Variants in MYO18B observed in about 807,000 individuals in gnomAD.
The protein encoded by MYO18B is unconventional myosin-XVIIIb.
In MYO18B, 204 loss-of-function variants were observed where a neutral mutation model predicts 273.0. The ratio of observed to expected loss-of-function variants is 0.75; its 90% CI spans 0.67 to 0.84. The LOEUF (loss-of-function observed/expected upper bound fraction) is 0.84. Among genes scored for constraint, MYO18B ranks in the 40% least tolerant of loss-of-function variants. The pLI, the probability that MYO18B is intolerant of heterozygous loss-of-function variation, is 0.00. For synonymous variants in MYO18B, 1,330 were observed against 1,305.7 expected (o/e 1.02, Z -0.40); for missense variants, 3,212 against 3,287.6 (o/e 0.98, Z 0.56).
intron 2 of MYO18B, chr22:25,762,948 C>A: frequency 3.4e-6 from 2 of 593,978 alleles, no homozygotes; most frequent in Non-Finnish European, 6.6e-6. Flanking sequence ...GCAGCCTTGA[C>A]CATACAAGTG....
downstream of MYO18B, among the ~76,000 whole-genome samples, chr22:26,031,683 A>G (rs1936670776): frequency 1.3e-5 from 2 of 152,212 alleles, no homozygotes; most frequent in African/African-American, 4.8e-5. Context: ...CTCCAAAAAG[A>G]GGAGCTCTCA....
chr22:25,968,815 T>C (rs146476739), intron 39 of MYO18B, among the ~76,000 whole-genome samples: 1 of 152,280 alleles, frequency 6.6e-6, no homozygotes, highest in East Asian at 1.9e-4. Flanking sequence ...ACCAGACGAC[T>C]TTTAAAGCTC....
At chr22:26,014,422 G>T (rs1935149766) in intron 42 of MYO18B, among the ~76,000 whole-genome samples, 1 of 152,088 alleles carries the variant, frequency 6.6e-6, no homozygotes, top group African/African-American at 2.4e-5. Context: ...TATTCTTTCA[G>T]GTCAGCAAAT....
intron 34 of MYO18B, among the ~76,000 whole-genome samples, chr22:25,932,068 G>A (rs938484156): frequency 2.0e-5 from 3 of 152,040 alleles, no homozygotes; most frequent in Non-Finnish European, 2.9e-5. Context: ...GAGGCTCTGC[G>A]TAGAGGCAAA....
At chr22:25,863,334 A>G (rs764627368) in intron 21 of MYO18B, among the ~76,000 whole-genome samples, 3 of 152,326 alleles carry the variant, frequency 2.0e-5, no homozygotes, top group Middle Eastern at 3.4e-3. Context: ...CCACAAAGAT[A>G]CTTTCTACTG....
chr22:25,758,934 T>G (rs2086214368), intron 1 of MYO18B, among the ~76,000 whole-genome samples: 1 of 152,130 alleles, frequency 6.6e-6, no homozygotes, highest in Non-Finnish European at 1.5e-5. Flanking sequence ...TTTTGTATTT[T>G]TAGTAGAGAC....
chr22:25,871,930 C>T (rs115880976), intron 22 of MYO18B, among the ~76,000 whole-genome samples: 171 of 152,266 alleles, frequency 1.1e-3, no homozygotes, highest in African/African-American at 4.0e-3. Flanking sequence ...GCAGCACCCG[C>T]CATCTATTGT....
chr22:26,038,253 T>C, the MYO18B span, among the ~76,000 whole-genome samples: 1 of 152,260 alleles, frequency 6.6e-6, no homozygotes, highest in Non-Finnish European at 1.5e-5. Context: ...GTCTCAAAGA[T>C]TTAGGTCTAC....
At chr22:25,996,884 C>T (rs1057262455) in intron 40 of MYO18B, among the ~76,000 whole-genome samples, 2 of 152,130 alleles carry the variant, frequency 1.3e-5, no homozygotes, top group Admixed American at 6.5e-5. Context: ...CTTTCTCCAT[C>T]GCATCTTCCT....
intron 38 of MYO18B, among the ~76,000 whole-genome samples, chr22:25,954,637 T>A (rs528854829): frequency 1.5e-4 from 23 of 152,286 alleles, no homozygotes; most frequent in African/African-American, 5.5e-4. Context: ...AGGTGGGATT[T>A]GAACCCAGAG....
chr22:25,836,143 T>C (rs3859880), intron 17 of MYO18B, among the ~76,000 whole-genome samples: 58,851 of 151,894 alleles, frequency 0.39, 11,818 homozygotes, highest in African/African-American at 0.48. Context: ...AGAGGGGAGA[T>C]GAAGGCGTGA....
intron 29 of MYO18B, 34 bp from the exon 30 acceptor site, chr22:25,902,579 T>A (rs2091959957): frequency 1.3e-6 from 2 of 1,593,284 alleles, no homozygotes; most frequent in African/African-American, 2.7e-5. Flanking sequence ...CCCACCTGCC[T>A]ACGGGGCCCT....
At chr22:26,044,952 C>A in the MYO18B span, among the ~76,000 whole-genome samples, 1 of 152,140 alleles carries the variant, frequency 6.6e-6, no homozygotes, top group Non-Finnish European at 1.5e-5. Context: ...AAATTGTAAT[C>A]ATGGCCCCAG....
rs779080120 is a variant in MYO18B, at chr22:25,768,743, G to C, written c.827G>C (p.Gly276Ala). The C allele has an allele frequency of 9.4e-6, 15 of 1,603,506 alleles. No homozygotes were observed. In the Middle Eastern group the frequency reaches 8.3e-4, roughly 89 times the overall value. ...TRPQAQGPGE[G>A]VRPGKAEKEG... ...CCCCAAGCCCAAGGGCCCGGCGAGG[G>C]GGTGCGACCAGGGAAAGCAGAGAAG... The change falls in exon 4 of 44, where the codon GGG becomes GCG. Residue 276 changes from glycine to alanine, a missense_variant. By Grantham distance (60) the Gly-to-Ala change is moderately conservative. Transcript: ENST00000335473.
chr22:25,777,644 A>G lies in MYO18B; in HGVS notation c.1931A>G (p.Tyr644Cys). 1 of 1,612,130 alleles carries G rather than the reference A, an allele frequency of 6.2e-7. No individual in the cohort carries two copies. The highest frequency in any genetic ancestry group is 1.1e-5 in the South Asian group (1 of 90,806). ...ATTGGCTCCATGGCACAGCGGGCAT[A>G]CTGGGCGCTGCTGAACCAGCGGAGA... is the stretch of plus-strand genomic sequence containing the variant. ...AHIGSMAQRA[Y>C]WALLNQRRDQ... Residue 644 changes from tyrosine (Y) to cysteine (C), a missense_variant, in exon 8 of 44, where the codon TAC becomes TGC. Physicochemically the swap from Tyr to Cys is radical, Grantham distance 194. Transcript: ENST00000335473.
chr22:25,932,195 C>T (rs2092512925), intron 34 of MYO18B, among the ~76,000 whole-genome samples: 2 of 152,138 alleles, frequency 1.3e-5, no homozygotes, highest in African/African-American at 4.8e-5. Context: ...AAGTTTTTCA[C>T]CCAGATTCAT....
At position 26,030,833 on chromosome 22, in the gene MYO18B, A is replaced by G. The variant is rs532914070; in HGVS notation, c.*403A>G. Reference sequence around the variant, plus strand: ...CTCTTCACTTGGCCAGTTTCAGCTCACTTCCTCCAGGAAGTCTTTCCTGAT... The same window carrying G: ...CTCTTCACTTGGCCAGTTTCAGCTCGCTTCCTCCAGGAAGTCTTTCCTGAT... On this transcript the variant is annotated 3_prime_UTR_variant, in exon 44 of 44. Coordinates refer to ENST00000335473, the MANE Select transcript of MYO18B (RefSeq NM_032608.7). 1 of 398,218 alleles carries G rather than the reference A, an allele frequency of 2.5e-6. No homozygotes were observed. The highest frequency in any genetic ancestry group is 2.1e-5 in the African/African-American group (1 of 48,678). 24.7% of individuals were successfully genotyped at this position (398,218 alleles called of 1,614,324 possible).
At chr22:26,006,492 A>G in intron 42 of MYO18B, 1 of 313,168 alleles carries the variant, frequency 3.2e-6, no homozygotes, top group Non-Finnish European at 6.5e-6. Flanking sequence ...TGAATTCTCT[A>G]GCACTGGATT....
intron 17 of MYO18B, among the ~76,000 whole-genome samples, chr22:25,842,672 C>CAAAA (rs695584): frequency 0.028 from 1,819 of 64,464 alleles, 41 homozygotes; most frequent in South Asian, 0.12. Context: ...AACTCCGTCT[C>CAAAA]AAAAAAAAAA....
Sources: allele counts gnomAD v4.1 joint callset (sites outside exome capture counted in the v4.1 genomes callset), GRCh38; gene constraint gnomAD v4.1.1; transcripts MANE v1.5; gene names NCBI Gene and HGNC (gene_info 2026-07-23, HGNC 2026-07-21).